Variants in LYPLAL1 observed in about 807,000 individuals in gnomAD.
LYPLAL1 encodes lysophospholipase-like protein 1.
A neutral mutation model predicts 19.7 loss-of-function variants in LYPLAL1; 23 were observed. That is an observed-to-expected ratio of 1.17 (90% CI 0.84 to 1.65). The LOEUF (loss-of-function observed/expected upper bound fraction) is 1.65, where lower values mean the gene tolerates loss of function less well. LYPLAL1 is among the 40% of genes most tolerant of loss of function. The pLI is 0.00. For missense variants in LYPLAL1, 355 were observed against 279.4 expected, an observed-to-expected ratio of 1.27 and a Z score of -1.93; for synonymous variants, 119 against 96.3, an observed-to-expected ratio of 1.24 and a Z score of -1.38.
chr1:219,184,436 C>T (rs1053826049), intron 2 of LYPLAL1, among the ~76,000 whole-genome samples: 1 of 151,814 alleles, frequency 6.6e-6, no homozygotes, highest in Non-Finnish European at 1.5e-5. Context: ...TTATGAATTT[C>T]GTGTGTGCAT....
chr1:219,317,949 C>A, the LYPLAL1 span, among the ~76,000 whole-genome samples: 18 of 152,168 alleles, frequency 1.2e-4, no homozygotes, highest in African/African-American at 4.1e-4. Context: ...AACAGTGTCA[C>A]CAAGCGGCAG....
the LYPLAL1 span, among the ~76,000 whole-genome samples, chr1:219,283,858 G>A: frequency 3.3e-5 from 5 of 152,136 alleles, no homozygotes; most frequent in Admixed American, 6.5e-5. Context: ...GAGGGAGGAA[G>A]CAGTGGGTAA....
the LYPLAL1 span, among the ~76,000 whole-genome samples, chr1:219,240,384 T>C: frequency 2.2e-4 from 34 of 152,326 alleles, no homozygotes; most frequent in African/African-American, 7.9e-4. Flanking sequence ...TAGGGTTTTA[T>C]ATAATTTTGG....
chr1:219,346,759 G>A, the LYPLAL1 span, among the ~76,000 whole-genome samples: 1 of 152,102 alleles, frequency 6.6e-6, no homozygotes, highest in African/African-American at 2.4e-5. Flanking sequence ...CCATAAAAAA[G>A]AAGTTGCAAA....
the LYPLAL1 span, among the ~76,000 whole-genome samples, chr1:219,260,361 G>T: frequency 2.6e-5 from 4 of 151,610 alleles, no homozygotes; most frequent in Non-Finnish European, 5.9e-5. Context: ...AAGAGTTCCA[G>T]TATAAATATT....
the LYPLAL1 span, among the ~76,000 whole-genome samples, chr1:219,311,303 G>A: frequency 6.6e-6 from 1 of 152,162 alleles, no homozygotes; most frequent in Non-Finnish European, 1.5e-5. Context: ...AAATGGTGAA[G>A]TGTGAACATG....
At chr1:219,313,528 ACT>A in the LYPLAL1 span, among the ~76,000 whole-genome samples, 1 of 68,548 alleles carries the variant, frequency 1.5e-5, no homozygotes, top group Non-Finnish European at 3.1e-5. Flanking sequence ...TTTTAAAAAA[ACT>A]TTTTTTTTTT....
At chr1:219,217,211 T>C (rs1418185290), downstream of LYPLAL1, among the ~76,000 whole-genome samples, 2 of 152,216 alleles carry the variant, frequency 1.3e-5, no homozygotes, top group African/African-American at 4.8e-5. Flanking sequence ...ATACATTTTA[T>C]ATGCATGTGT....
At chr1:219,340,205 T>C in the LYPLAL1 span, among the ~76,000 whole-genome samples, 3 of 151,972 alleles carry the variant, frequency 2.0e-5, no homozygotes, top group African/African-American at 7.2e-5. Flanking sequence ...ATCAACAAAG[T>C]GATGGAAAGA....
the LYPLAL1 span, among the ~76,000 whole-genome samples, chr1:219,235,176 T>A: frequency 6.6e-6 from 1 of 152,194 alleles, no homozygotes; most frequent in Non-Finnish European, 1.5e-5. Context: ...TGCTTTGAGA[T>A]GGCTGACAAG....
At chr1:219,196,178 T>G (rs891122400) in intron 3 of LYPLAL1, among the ~76,000 whole-genome samples, 1 of 152,134 alleles carries the variant, frequency 6.6e-6, no homozygotes, top group Non-Finnish European at 1.5e-5. Flanking sequence ...TTATATTCCT[T>G]TGGGTGTATA....
the LYPLAL1 span, among the ~76,000 whole-genome samples, chr1:219,407,537 A>G: frequency 0.017 from 2,569 of 152,324 alleles, 29 homozygotes; most frequent in Middle Eastern, 0.031. Context: ...GTGAGCATCA[A>G]TGTATGTTAC....
the LYPLAL1 span, among the ~76,000 whole-genome samples, chr1:219,339,824 A>C: frequency 2.0e-5 from 3 of 152,040 alleles, no homozygotes; most frequent in Non-Finnish European, 2.9e-5. Context: ...GGGAGAAAAA[A>C]ACACTTGGCT....
chr1:219,290,802 T>A, the LYPLAL1 span, among the ~76,000 whole-genome samples: 21 of 151,984 alleles, frequency 1.4e-4, no homozygotes, highest in African/African-American at 5.1e-4. Flanking sequence ...TAACATAACT[T>A]GTGACCATAC....
chr1:219,266,971 T>A, the LYPLAL1 span, among the ~76,000 whole-genome samples: 1 of 152,192 alleles, frequency 6.6e-6, no homozygotes, highest in Non-Finnish European at 1.5e-5. Flanking sequence ...TTCCTATTAC[T>A]GGTTGTGTCA....
chr1:219,422,714 C>T, the LYPLAL1 span, among the ~76,000 whole-genome samples: 2 of 152,058 alleles, frequency 1.3e-5, no homozygotes, highest in African/African-American at 4.8e-5. Flanking sequence ...AACTATTTTG[C>T]TTCTGGATAA....
intron 3 of LYPLAL1, chr1:219,199,955 C>T (rs1032402847): frequency 3.4e-5 from 8 of 234,022 alleles, no homozygotes; most frequent in Non-Finnish European, 5.4e-5. Context: ...ATGAGTGCCA[C>T]ACACATCCAT....
chr1:219,354,212 A>G, the LYPLAL1 span, among the ~76,000 whole-genome samples: 2 of 152,120 alleles, frequency 1.3e-5, no homozygotes, highest in African/African-American at 4.8e-5. Flanking sequence ...TTTTTTTTAA[A>G]TTGAGATGCA....
the LYPLAL1 span, among the ~76,000 whole-genome samples, chr1:219,362,599 G>A: frequency 3.3e-5 from 5 of 152,156 alleles, no homozygotes; most frequent in African/African-American, 1.2e-4. Context: ...ACCCCAGAAT[G>A]GGGTACGGAA....
Sources: gnomAD v4.1 joint callset for allele counts (sites outside exome capture counted in the v4.1 genomes callset) on GRCh38, gnomAD v4.1.1 for gene constraint, MANE v1.5 for transcripts, NCBI Gene and HGNC (gene_info 2026-07-23, HGNC 2026-07-21) for gene names.